The following MSRA variants were observed in gnomAD, a reference collection of about 807,000 sequenced individuals.
MSRA encodes mitochondrial peptide methionine sulfoxide reductase.
In MSRA, 54 loss-of-function variants were observed where a neutral mutation model predicts 31.3. That is an observed-to-expected ratio of 1.73 (90% CI 1.39 to 2.17). MSRA has a LOEUF of 2.17. MSRA is among the 30% of genes most tolerant of loss of function. The probability of loss-of-function intolerance (pLI) is 0.00; values close to 1 mark genes in which losing one functional copy is unlikely to be tolerated. For synonymous variants in MSRA, 169 were observed against 116.5 expected, an observed-to-expected ratio of 1.45 and a Z score of -2.90; for missense variants, 507 against 300.9, an observed-to-expected ratio of 1.69 and a Z score of -5.07.
At chr8:10,279,049 G>T (rs1305786851) in intron 3 of MSRA, among the ~76,000 whole-genome samples, 1 of 152,180 alleles carries the variant, frequency 6.6e-6, no homozygotes, top group African/African-American at 2.4e-5. Flanking sequence ...TTAGGTCATT[G>T]ATTATCTGGG....
chr8:10,164,901 G>C (rs899247531), intron 1 of MSRA, among the ~76,000 whole-genome samples: 2 of 152,126 alleles, frequency 1.3e-5, no homozygotes, highest in African/African-American at 4.8e-5. Flanking sequence ...TGTCGCAGAC[G>C]CCTGTATTCC....
chr8:10,130,585 G>A (rs749135869), intron 1 of MSRA, among the ~76,000 whole-genome samples: 1 of 152,182 alleles, frequency 6.6e-6, no homozygotes, highest in African/African-American at 2.4e-5. Flanking sequence ...AAGACATTTC[G>A]ACGGAAAAAA....
At chr8:10,351,773 C>G (rs74727783) in intron 5 of MSRA, among the ~76,000 whole-genome samples, 1 of 152,150 alleles carries the variant, frequency 6.6e-6, no homozygotes, top group African/African-American at 2.4e-5. Flanking sequence ...TTCATGTTCA[C>G]CGAAGTCACC....
intron 1 of MSRA, among the ~76,000 whole-genome samples, chr8:10,137,342 A>T (rs1243083070): frequency 6.6e-6 from 1 of 152,066 alleles, no homozygotes; most frequent in African/African-American, 2.4e-5. Flanking sequence ...GGTGCCTGCC[A>T]TTTTTCACGG....
At chr8:10,085,878 C>T (rs1368071678) in intron 1 of MSRA, among the ~76,000 whole-genome samples, 1 of 152,220 alleles carries the variant, frequency 6.6e-6, no homozygotes, top group Non-Finnish European at 1.5e-5. Context: ...TTCCACCTAG[C>T]ATAGTGTTCC....
intron 1 of MSRA, among the ~76,000 whole-genome samples, chr8:10,066,045 C>T (rs904095200): frequency 6.6e-6 from 1 of 150,654 alleles, no homozygotes; most frequent in Non-Finnish European, 1.5e-5. Flanking sequence ...TTTTTTGAGA[C>T]AGAGTCTTGC....
At chr8:10,425,649 A>G (rs963119857) in intron 5 of MSRA, among the ~76,000 whole-genome samples, 3 of 152,244 alleles carry the variant, frequency 2.0e-5, no homozygotes, top group African/African-American at 4.8e-5. Flanking sequence ...GGACGCCTCC[A>G]GTACGCAGGC....
intron 1 of MSRA, among the ~76,000 whole-genome samples, chr8:10,137,527 G>A (rs1199069236): frequency 6.6e-6 from 1 of 152,176 alleles, no homozygotes; most frequent in Non-Finnish European, 1.5e-5. Flanking sequence ...CAATGAAAAG[G>A]GCTTCTATAA....
intron 3 of MSRA, among the ~76,000 whole-genome samples, chr8:10,268,197 G>A (rs951292905): frequency 9.2e-5 from 14 of 152,328 alleles, no homozygotes; most frequent in African/African-American, 2.6e-4. Context: ...AGATGGACAC[G>A]TGTGTGAATA....
chr8:10,323,800 G>T (rs777916067), intron 5 of MSRA, among the ~76,000 whole-genome samples: 2 of 147,964 alleles, frequency 1.4e-5, no homozygotes, highest in African/African-American at 4.9e-5. Flanking sequence ...CTGCATGTCT[G>T]CATGTCTATG....
At chr8:10,073,950 C>T (rs1475819705) in intron 1 of MSRA, among the ~76,000 whole-genome samples, 1 of 149,770 alleles carries the variant, frequency 6.7e-6, no homozygotes, top group East Asian at 2.0e-4. Context: ...TGGAAAGATA[C>T]ATGACTTCAC....
intron 1 of MSRA, among the ~76,000 whole-genome samples, chr8:10,059,641 TA>T (rs775195319): frequency 3.9e-5 from 6 of 152,178 alleles, no homozygotes; most frequent in Non-Finnish European, 2.9e-5. Flanking sequence ...AAAAGACTGA[TA>T]AATTAGATCA....
chr8:10,157,214 T>A (rs1451114059), intron 1 of MSRA, among the ~76,000 whole-genome samples: 7 of 152,136 alleles, frequency 4.6e-5, no homozygotes, highest in Non-Finnish European at 8.8e-5. Flanking sequence ...AGGAAATTCA[T>A]GGTAGTAAAG....
chr8:10,085,941 T>G (rs184110606), intron 1 of MSRA, among the ~76,000 whole-genome samples: 11 of 152,314 alleles, frequency 7.2e-5, no homozygotes, highest in Admixed American at 3.3e-4. Context: ...TTTTATTCCT[T>G]AGTGGCAGCA....
chr8:10,389,584 C>T (rs775702121), intron 5 of MSRA, among the ~76,000 whole-genome samples: 1 of 152,282 alleles, frequency 6.6e-6, no homozygotes, highest in South Asian at 2.1e-4. Context: ...GACTCCTTCC[C>T]TAGGCATCTT....
intron 1 of MSRA, among the ~76,000 whole-genome samples, chr8:10,064,953 T>C (rs1797386444): frequency 6.6e-6 from 1 of 152,118 alleles, no homozygotes; most frequent in Non-Finnish European, 1.5e-5. Context: ...GAATGCACTG[T>C]TGTTAGCAGT....
chr8:10,193,081 C>G (rs1355576109), intron 1 of MSRA, among the ~76,000 whole-genome samples: 4 of 152,212 alleles, frequency 2.6e-5, no homozygotes, highest in African/African-American at 9.6e-5. Context: ...AATATCCTGG[C>G]AGACCTATCA....
intron 4 of MSRA, among the ~76,000 whole-genome samples, chr8:10,314,826 G>A (rs1801624055): frequency 6.6e-6 from 1 of 152,176 alleles, no homozygotes; most frequent in Non-Finnish European, 1.5e-5. Flanking sequence ...AGGACCTCAT[G>A]ATCATAATTG....
At chr8:10,165,704 C>A (rs574776313) in intron 1 of MSRA, among the ~76,000 whole-genome samples, 3 of 152,180 alleles carry the variant, frequency 2.0e-5, no homozygotes, top group African/African-American at 7.2e-5. Context: ...GGAGAGTATA[C>A]ACGTGGACAT....
Sources: allele counts gnomAD v4.1 joint callset (sites outside exome capture counted in the v4.1 genomes callset), GRCh38; gene constraint gnomAD v4.1.1; transcripts MANE v1.5; gene names NCBI Gene and HGNC (gene_info 2026-07-23, HGNC 2026-07-21).